Variants in PTPRT observed in about 807,000 individuals in gnomAD.
The protein encoded by PTPRT is protein tyrosine phosphatase receptor type T.
PTPRT carries 56 observed loss-of-function variants against 176.8 expected under a neutral mutation model. The ratio of observed to expected loss-of-function variants is 0.32; its 90% CI spans 0.26 to 0.40. The LOEUF is 0.40. Ranked by LOEUF, PTPRT falls within the 10% of genes least tolerant of loss-of-function variation. The pLI is 1.00. For synonymous variants in PTPRT, 783 were observed against 739.0 expected (o/e 1.06, Z -0.96); for missense variants, 1,540 against 1,908.2 (o/e 0.81, Z 3.60).
chr20:42,990,332 A>T (rs1200842525), intron 1 of PTPRT, among the ~76,000 whole-genome samples: 2 of 152,094 alleles, frequency 1.3e-5, no homozygotes, highest in African/African-American at 4.8e-5. Context: ...TGCATTGAGG[A>T]TTTGTTCAGC....
At chr20:42,315,307 A>G (rs1403992888) in intron 12 of PTPRT, among the ~76,000 whole-genome samples, 1 of 152,080 alleles carries the variant, frequency 6.6e-6, no homozygotes, top group Non-Finnish European at 1.5e-5. Context: ...CAACTAAACC[A>G]TGATTAGTGC....
rs76259905 is a variant in PTPRT at position 43,053,210 on chromosome 20, T to C, written c.88+136436A>G. 6.6e-3 allele frequency among the ~76,000 whole-genome samples: 1,006 copies of C among 152,310 alleles called. 9 individuals carry two copies. Among genetic ancestry groups the C allele is most frequent in the African/African-American group, 0.024 (979 of 41,568 alleles). On this transcript the variant is annotated intron_variant, in intron 1 of 30. Transcript: ENST00000373187. ...GAAAGTTCTCTTCTTGTGTTCCTTCTCTCTCTTCCCCATCACTCACCCATC... is the reference window on the plus strand; with the variant it reads ...GAAAGTTCTCTTCTTGTGTTCCTTCCCTCTCTTCCCCATCACTCACCCATC...
intron 6 of PTPRT, among the ~76,000 whole-genome samples, chr20:42,705,904 C>CACCAAA (rs2076047404): frequency 1.3e-5 from 2 of 152,108 alleles, no homozygotes; most frequent in Non-Finnish European, 2.9e-5. Flanking sequence ...ATGAACATTA[C>CACCAAA]TCTTACTATT....
intron 9 of PTPRT, among the ~76,000 whole-genome samples, chr20:42,420,052 T>C (rs2059104619): frequency 6.6e-6 from 1 of 152,162 alleles, no homozygotes; most frequent in South Asian, 2.1e-4. Flanking sequence ...TCGATTTTGA[T>C]TTCTGAATTC....
chr20:42,228,040 A>G (rs779027759), intron 15 of PTPRT, among the ~76,000 whole-genome samples: 27 of 152,208 alleles, frequency 1.8e-4, no homozygotes, highest in Non-Finnish European at 3.4e-4. Flanking sequence ...AACCTTGTTT[A>G]TAAAGTTCAA....
intron 2 of PTPRT, among the ~76,000 whole-genome samples, chr20:42,797,874 C>T (rs1757810940): frequency 6.6e-6 from 1 of 151,912 alleles, no homozygotes; most frequent in South Asian, 2.1e-4. Context: ...TGCAGGTGGC[C>T]AGAAAAAAAC....
At chr20:43,079,202 C>T (rs1256407690) in intron 1 of PTPRT, among the ~76,000 whole-genome samples, 8 of 120,930 alleles carry the variant, frequency 6.6e-5, no homozygotes, top group East Asian at 3.0e-4. Context: ...CCCTCTCTCC[C>T]TCTCTATTTC....
chr20:42,057,876 G>A, the PTPRT span, among the ~76,000 whole-genome samples: 3 of 152,172 alleles, frequency 2.0e-5, no homozygotes, highest in African/African-American at 7.2e-5. Flanking sequence ...TATAAGACAC[G>A]CCCAGCCTGT....
At chr20:42,630,853 C>T (rs1236129359) in intron 7 of PTPRT, among the ~76,000 whole-genome samples, 1 of 152,028 alleles carries the variant, frequency 6.6e-6, no homozygotes, top group Non-Finnish European at 1.5e-5. Flanking sequence ...TATCAATAAC[C>T]TCAGAACTAT....
At chr20:42,141,034 C>T (rs1387352532) in intron 18 of PTPRT, among the ~76,000 whole-genome samples, 3 of 152,192 alleles carry the variant, frequency 2.0e-5, no homozygotes, top group African/African-American at 7.2e-5. Context: ...GCGCTAACTA[C>T]TCTGCACCGC....
intron 7 of PTPRT, among the ~76,000 whole-genome samples, chr20:42,631,969 T>G (rs961660515): frequency 6.6e-6 from 1 of 152,088 alleles, no homozygotes; most frequent in Admixed American, 6.6e-5. Context: ...GCAAACAATG[T>G]GATTTATGGT....
At chr20:43,162,081 A>G (rs1441149215) in intron 1 of PTPRT, among the ~76,000 whole-genome samples, 1 of 152,230 alleles carries the variant, frequency 6.6e-6, no homozygotes, top group Non-Finnish European at 1.5e-5. Context: ...GTAATTAAAC[A>G]AGTATGGTGC....
intron 7 of PTPRT, among the ~76,000 whole-genome samples, chr20:42,534,899 G>A (rs892034707): frequency 5.3e-5 from 8 of 152,140 alleles, no homozygotes; most frequent in Non-Finnish European, 8.8e-5. Context: ...ACAATGGTAC[G>A]TATTTGTTGA....
intron 1 of PTPRT, among the ~76,000 whole-genome samples, chr20:43,004,061 T>C (rs1160725989): frequency 6.6e-6 from 1 of 152,104 alleles, no homozygotes; most frequent in Non-Finnish European, 1.5e-5. Flanking sequence ...GGGGAAGGCT[T>C]TTTTGAGTAC....
At chr20:42,295,858 A>G (rs2057378994) in intron 12 of PTPRT, among the ~76,000 whole-genome samples, 1 of 152,150 alleles carries the variant, frequency 6.6e-6, no homozygotes, top group Non-Finnish European at 1.5e-5. Context: ...TCATGAGATC[A>G]GATGGTTTTA....
At chr20:43,069,291 C>A (rs1332366713) in intron 1 of PTPRT, among the ~76,000 whole-genome samples, 1 of 152,204 alleles carries the variant, frequency 6.6e-6, no homozygotes, top group Admixed American at 6.5e-5. Flanking sequence ...CGTAGCCATG[C>A]CTTGATGTTA....
intron 1 of PTPRT, among the ~76,000 whole-genome samples, chr20:42,979,344 T>C (rs1983142487): frequency 6.6e-6 from 1 of 152,238 alleles, no homozygotes; most frequent in African/African-American, 2.4e-5. Context: ...TTTACCTTTT[T>C]TGTAATTGTA....
chr20:42,446,621 T>TGTGTGTGAGA (rs1491165117), intron 9 of PTPRT, among the ~76,000 whole-genome samples: 29 of 130,162 alleles, frequency 2.2e-4, no homozygotes, highest in East Asian at 9.6e-4. Flanking sequence ...TGTGTGTGTG[T>TGTGTGTGAGA]GAGAGAGAGA....
At chr20:42,927,364 C>A (rs915074765) in intron 1 of PTPRT, among the ~76,000 whole-genome samples, 2 of 152,130 alleles carry the variant, frequency 1.3e-5, no homozygotes, top group African/African-American at 2.4e-5. Flanking sequence ...GATTTGGCGA[C>A]CAGCCTGACT....
Sources: allele counts gnomAD v4.1 joint callset (sites outside exome capture counted in the v4.1 genomes callset), GRCh38; gene constraint gnomAD v4.1.1; transcripts MANE v1.5; gene names NCBI Gene and HGNC (gene_info 2026-07-23, HGNC 2026-07-21).